Variants in GPC5 observed in about 807,000 individuals in gnomAD.
The protein encoded by GPC5 is glypican-5.
Under a neutral mutation model 53.9 loss-of-function variants are expected in GPC5, and 47 were observed. That is an observed-to-expected ratio of 0.87 (90% confidence interval 0.69 to 1.11). The LOEUF (loss-of-function observed/expected upper bound fraction) is 1.11, where lower values mean the gene tolerates loss of function less well. GPC5 is among the 50% of genes most tolerant of loss of function. The pLI, the probability that GPC5 is intolerant of heterozygous loss-of-function variation, is 0.00. For missense variants in GPC5, 748 were observed against 713.1 expected (o/e 1.05, Z -0.56); for synonymous variants, 286 against 263.3 (o/e 1.09, Z -0.84).
chr13:92,348,962 T>TA (rs1488155909), intron 7 of GPC5, among the ~76,000 whole-genome samples: 1 of 151,662 alleles, frequency 6.6e-6, no homozygotes, highest in Non-Finnish European at 1.5e-5. Flanking sequence ...AATGTTTACC[T>TA]AAAAAAAACC....
chr13:92,434,881 T>G (rs1877239074), intron 7 of GPC5, among the ~76,000 whole-genome samples: 1 of 152,116 alleles, frequency 6.6e-6, no homozygotes, highest in African/African-American at 2.4e-5. Flanking sequence ...ATACAATGCG[T>G]TTTGCTATCA....
chr13:92,245,815 A>G (rs2139122006), intron 7 of GPC5, among the ~76,000 whole-genome samples: 1 of 152,278 alleles, frequency 6.6e-6, no homozygotes, highest in East Asian at 1.9e-4. Context: ...CTTCAGTTAT[A>G]TGTAGTCAAA....
At chr13:92,376,405 C>T (rs1341024906) in intron 7 of GPC5, among the ~76,000 whole-genome samples, 1 of 152,150 alleles carries the variant, frequency 6.6e-6, no homozygotes, top group African/African-American at 2.4e-5. Flanking sequence ...GATAACTTGT[C>T]ACCTTTTGAA....
intron 5 of GPC5, among the ~76,000 whole-genome samples, chr13:91,886,672 C>T (rs759477797): frequency 1.3e-5 from 2 of 152,112 alleles, no homozygotes; most frequent in African/African-American, 2.4e-5. Context: ...AGAAATTGGT[C>T]GAAACGAAGG....
At chr13:92,140,174 A>C (rs919595783) in intron 6 of GPC5, among the ~76,000 whole-genome samples, 1 of 152,238 alleles carries the variant, frequency 6.6e-6, no homozygotes, top group Non-Finnish European at 1.5e-5. Context: ...GAAAAACAGC[A>C]GTTGGAAGTG....
intron 2 of GPC5, among the ~76,000 whole-genome samples, chr13:91,533,430 A>G (rs1463283764): frequency 6.6e-6 from 1 of 152,218 alleles, no homozygotes; most frequent in Non-Finnish European, 1.5e-5. Context: ...AAAACCCCAC[A>G]TAATAATCTG....
At chr13:92,245,418 T>G (rs2042643307) in intron 7 of GPC5, among the ~76,000 whole-genome samples, 1 of 152,204 alleles carries the variant, frequency 6.6e-6, no homozygotes, top group South Asian at 2.1e-4. Flanking sequence ...CATACTTTTC[T>G]AAGAATAAGT....
At chr13:92,165,408 A>G (rs958890668) in intron 7 of GPC5, among the ~76,000 whole-genome samples, 1 of 152,176 alleles carries the variant, frequency 6.6e-6, no homozygotes, top group Non-Finnish European at 1.5e-5. Flanking sequence ...AGACTGGGTA[A>G]TTTATGAAGA....
chr13:91,754,555 G>A (rs1047363248), intron 4 of GPC5, among the ~76,000 whole-genome samples: 2 of 151,846 alleles, frequency 1.3e-5, no homozygotes, highest in African/African-American at 2.4e-5. Flanking sequence ...CCATCAATTT[G>A]GGCCTGGTCT....
In GPC5 at chr13:92,781,398, C is replaced by A. The variant is rs564057580; in HGVS notation, c.1562-84884C>A. Among the ~76,000 whole-genome samples, 13 of 152,000 alleles carry A rather than the reference C, an allele frequency of 8.6e-5. No homozygotes were observed. In the South Asian group the frequency reaches 2.7e-3, roughly 32 times the overall value. On this transcript the variant is annotated intron_variant, in intron 7 of 7. Coordinates refer to ENST00000377067, the MANE Select transcript of GPC5 (RefSeq NM_004466.6). The stretch of plus-strand genomic sequence containing the variant: ...TGGATATCTGATACCTTTCTTTAAA[C>A]ACTTTAAAATTTCACTTATCCAGAA...
chr13:92,120,781 CT>C lies in GPC5; in HGVS notation c.1402-24048del, dbSNP rs143048077. On this transcript the variant is annotated intron_variant, in intron 6 of 7. Transcript: ENST00000377067. Reference sequence around the variant, plus strand: ...GGAAAATTGAGATGTGAAATTTTATCTAGTTAATCTGTAGTCCTTTCCCTTA... The same window carrying C: ...GGAAAATTGAGATGTGAAATTTTATCAGTTAATCTGTAGTCCTTTCCCTTA... Among the ~76,000 whole-genome samples, 815 of 152,216 alleles carry C rather than the reference CT, an allele frequency of 5.4e-3. 15 individuals carry two copies. The highest frequency in any genetic ancestry group is 0.019 in the African/African-American group (778 of 41,508).
At chr13:92,565,678 AT>A (rs1179481269) in intron 7 of GPC5, among the ~76,000 whole-genome samples, 6 of 152,102 alleles carry the variant, frequency 3.9e-5, no homozygotes, top group Non-Finnish European at 8.8e-5. Flanking sequence ...TCATAAAAAT[AT>A]GTATCTACAT....
At chr13:91,574,066 C>G (rs571901334) in intron 2 of GPC5, among the ~76,000 whole-genome samples, 1 of 152,172 alleles carries the variant, frequency 6.6e-6, no homozygotes, top group Non-Finnish European at 1.5e-5. Flanking sequence ...TTACCATATT[C>G]TTTTTTTGTG....
chr13:91,766,429 T>G (rs539587812), intron 5 of GPC5, among the ~76,000 whole-genome samples: 5 of 152,354 alleles, frequency 3.3e-5, no homozygotes, highest in African/African-American at 1.2e-4. Flanking sequence ...CATTCATTCA[T>G]AAAGCCAATA....
At chr13:92,822,313 G>A (rs1877701214) in intron 7 of GPC5, among the ~76,000 whole-genome samples, 1 of 151,986 alleles carries the variant, frequency 6.6e-6, no homozygotes, top group Non-Finnish European at 1.5e-5. Flanking sequence ...GTATATGGCA[G>A]TAATTAGTCA....
chr13:91,724,354 A>G (rs1460941653), intron 3 of GPC5, among the ~76,000 whole-genome samples: 3 of 152,134 alleles, frequency 2.0e-5, no homozygotes, highest in African/African-American at 7.2e-5. Flanking sequence ...AAGCAAAGCA[A>G]TCAGTTACCC....
chr13:91,666,346 A>C lies in GPC5; in HGVS notation c.326-26841A>C, dbSNP rs138907463. ...GAGACACTATTTTAAAAACATCTTT[A>C]AATGTGGATATTTCAAATAATTTAA... On this transcript the variant is annotated intron_variant, in intron 2 of 7. Transcript: ENST00000377067. 1.2e-4 allele frequency among the ~76,000 whole-genome samples: 19 copies of C among 152,308 alleles called. No homozygotes were observed. In the East Asian group the frequency reaches 3.1e-3, roughly 25 times the overall value.
At chr13:91,709,571 T>G (rs2036182358) in intron 3 of GPC5, among the ~76,000 whole-genome samples, 1 of 152,250 alleles carries the variant, frequency 6.6e-6, no homozygotes, top group Non-Finnish European at 1.5e-5. Flanking sequence ...TGCGAATAGA[T>G]ACCACTAACT....
chr13:92,750,297 C>G (rs1889350890), intron 7 of GPC5, among the ~76,000 whole-genome samples: 1 of 152,078 alleles, frequency 6.6e-6, no homozygotes, highest in Admixed American at 6.6e-5. Context: ...TGATACTCTA[C>G]AGAAATATGC....
Sources: allele counts gnomAD v4.1 joint callset (sites outside exome capture counted in the v4.1 genomes callset), GRCh38; gene constraint gnomAD v4.1.1; transcripts MANE v1.5; gene names NCBI Gene and HGNC (gene_info 2026-07-23, HGNC 2026-07-21).